The following ETV6 variants were observed in gnomAD, a reference collection of about 807,000 sequenced individuals.
ETV6 encodes ETS variant transcription factor 6.
Under a neutral mutation model 51.1 loss-of-function variants are expected in ETV6, and 16 were observed. The ratio of observed to expected loss-of-function variants is 0.31; its 90% CI spans 0.21 to 0.48. ETV6 has a LOEUF of 0.48. Ranked by LOEUF, ETV6 falls within the 20% of genes least tolerant of loss-of-function variation. The pLI, the probability that ETV6 is intolerant of heterozygous loss-of-function variation, is 0.99. For synonymous variants in ETV6, 240 were observed against 224.1 expected (o/e 1.07, Z -0.64); for missense variants, 458 against 594.8 (o/e 0.77, Z 2.39).
chr12:11,851,664 T>C (rs1397724120), intron 3 of ETV6, among the ~76,000 whole-genome samples: 1 of 152,206 alleles, frequency 6.6e-6, no homozygotes, highest in Admixed American at 6.5e-5. Flanking sequence ...CCAAGTGACA[T>C]GGTGTCTGCA....
intron 1 of ETV6, among the ~76,000 whole-genome samples, chr12:11,665,023 C>CT (rs971074399): frequency 1.4e-4 from 21 of 152,260 alleles, no homozygotes; most frequent in East Asian, 1.2e-3. Flanking sequence ...ACATAATGAA[C>CT]TTTTTTCTCA....
intron 1 of ETV6, among the ~76,000 whole-genome samples, chr12:11,700,204 C>A (rs1344247428): frequency 6.6e-6 from 1 of 152,108 alleles, no homozygotes; most frequent in Non-Finnish European, 1.5e-5. Flanking sequence ...GTTGCTGACC[C>A]CTCACGCAGG....
At chr12:11,847,848 T>C (rs1946487521) in intron 3 of ETV6, among the ~76,000 whole-genome samples, 2 of 151,920 alleles carry the variant, frequency 1.3e-5, no homozygotes, top group African/African-American at 2.4e-5. Flanking sequence ...CATGTACATG[T>C]GGACAGGAAA....
chr12:11,829,139 C>T (rs1485911814), intron 2 of ETV6, among the ~76,000 whole-genome samples: 3 of 152,142 alleles, frequency 2.0e-5, no homozygotes, highest in East Asian at 1.9e-4. Flanking sequence ...CTGCCAGAGC[C>T]GTCATGCACC....
intron 1 of ETV6, among the ~76,000 whole-genome samples, chr12:11,748,603 C>A (rs1470276178): frequency 2.6e-5 from 4 of 152,064 alleles, no homozygotes; most frequent in Non-Finnish European, 1.5e-5. Flanking sequence ...AGAGGAAAGA[C>A]CTTTTGGTAA....
chr12:11,851,408 G>C (rs1414542258), intron 3 of ETV6, among the ~76,000 whole-genome samples: 4 of 152,104 alleles, frequency 2.6e-5, no homozygotes, highest in African/African-American at 4.8e-5. Flanking sequence ...GTGTTGATTA[G>C]GGGCTTATTT....
intron 1 of ETV6, among the ~76,000 whole-genome samples, chr12:11,699,119 G>T (rs559882959): frequency 6.6e-6 from 1 of 152,148 alleles, no homozygotes; most frequent in Non-Finnish European, 1.5e-5. Flanking sequence ...AATTGTAATA[G>T]GTTGCCCCTT....
intron 2 of ETV6, among the ~76,000 whole-genome samples, chr12:11,786,336 GTT>G (rs35075041): frequency 2.6e-4 from 39 of 149,434 alleles, no homozygotes; most frequent in African/African-American, 4.7e-4. Flanking sequence ...AACTTAATTT[GTT>G]TTTTTTTTCA....
At chr12:11,670,970 G>A (rs1356852636) in intron 1 of ETV6, among the ~76,000 whole-genome samples, 3 of 152,148 alleles carry the variant, frequency 2.0e-5, no homozygotes, top group African/African-American at 7.2e-5. Flanking sequence ...AGCAGGGATT[G>A]TGGGTTGTTC....
intron 7 of ETV6, among the ~76,000 whole-genome samples, chr12:11,890,004 C>A (rs1302149787): frequency 6.6e-6 from 1 of 152,102 alleles, no homozygotes; most frequent in Non-Finnish European, 1.5e-5. Context: ...GATGTCACTT[C>A]CAGTTTAACC....
chr12:11,798,859 G>A (rs1945711277), intron 2 of ETV6, among the ~76,000 whole-genome samples: 1 of 152,146 alleles, frequency 6.6e-6, no homozygotes, highest in Non-Finnish European at 1.5e-5. Flanking sequence ...TTGGAGATAG[G>A]AGTTAATTCA....
intron 1 of ETV6, among the ~76,000 whole-genome samples, chr12:11,657,386 T>G (rs1864019713): frequency 6.6e-6 from 1 of 152,230 alleles, no homozygotes. Context: ...CTTTTGAAGA[T>G]TCACATGACA....
intron 2 of ETV6, among the ~76,000 whole-genome samples, chr12:11,838,582 T>C (rs889660124): frequency 6.6e-6 from 1 of 152,246 alleles, no homozygotes; most frequent in African/African-American, 2.4e-5. Flanking sequence ...GCTGAGTGAA[T>C]TGCTCTTCCT....
intron 3 of ETV6, 44 bp downstream of exon 3, chr12:11,839,348 CT>C: frequency 6.3e-7 from 1 of 1,577,414 alleles, no homozygotes; most frequent in Non-Finnish European, 8.6e-7. Context: ...TGGAAAGTCT[CT>C]TAGTTAGTGG....
rs1947280841 is a variant in ETV6 at position 11,891,134 on chromosome 12, TGAG to T, written c.*92_*94del. 4.7e-6 allele frequency: 5 copies of T among 1,072,090 alleles called. No homozygotes were observed. Among genetic ancestry groups the T allele is most frequent in the East Asian group, 4.8e-5 (2 of 41,962 alleles). 66.4% of individuals were successfully genotyped at this position (1,072,090 alleles called of 1,614,324 possible). A position where few individuals can be genotyped will look rare whatever the true frequency, so the allele number is the denominator to read the frequency against. ...TGGAAGTGTGACGGAGCAGGCGGGC[TGAG>T]GAGAGTGGAAAAGGAAGCGACCCAG... On this transcript the variant is annotated 3_prime_UTR_variant, in exon 8 of 8. Transcript: ENST00000396373.
intron 1 of ETV6, among the ~76,000 whole-genome samples, chr12:11,709,126 ATG>A (rs531181401): frequency 1.8e-4 from 27 of 152,198 alleles, no homozygotes; most frequent in African/African-American, 6.0e-4. Flanking sequence ...CCAAGAAGCT[ATG>A]TGAGTTACAA....
At chr12:11,770,777 G>A (rs1007608265) in intron 2 of ETV6, among the ~76,000 whole-genome samples, 2 of 152,194 alleles carry the variant, frequency 1.3e-5, no homozygotes, top group African/African-American at 4.8e-5. Flanking sequence ...GCACGTGCCT[G>A]TGGTCCCAGT....
intron 2 of ETV6, among the ~76,000 whole-genome samples, chr12:11,757,297 A>G (rs534302831): frequency 6.6e-6 from 1 of 152,272 alleles, no homozygotes; most frequent in East Asian, 1.9e-4. Flanking sequence ...CAGCAGAGTA[A>G]CTGAGTTTAA....
chr12:11,689,617 T>TA (rs144479792), intron 1 of ETV6, among the ~76,000 whole-genome samples: 7,616 of 151,746 alleles, frequency 0.05, 239 homozygotes, highest in Non-Finnish European at 0.074. Context: ...TAGCTTTTTT[T>TA]AAAAGAAAAA....
Sources: gnomAD v4.1 joint callset for allele counts (sites outside exome capture counted in the v4.1 genomes callset) on GRCh38, gnomAD v4.1.1 for gene constraint, MANE v1.5 for transcripts, NCBI Gene and HGNC (gene_info 2026-07-23, HGNC 2026-07-21) for gene names.